The following DYRK2 variants were observed in gnomAD, a reference collection of about 807,000 sequenced individuals.
The protein encoded by DYRK2 is dual specificity tyrosine-phosphorylation-regulated kinase 2.
Under a neutral mutation model 41.6 loss-of-function variants are expected in DYRK2, and 12 were observed. That is an observed-to-expected ratio of 0.29 (90% CI 0.18 to 0.47). The LOEUF is 0.47. DYRK2 is among the 20% of genes least tolerant of loss of function. The probability of loss-of-function intolerance (pLI) is 1.00; values close to 1 mark genes in which losing one functional copy is unlikely to be tolerated. For synonymous variants in DYRK2, 322 were observed against 315.7 expected (o/e 1.02, Z -0.21); for missense variants, 678 against 798.4 (o/e 0.85, Z 1.82).
Position 67,649,031 on chromosome 12 carries a change from G to C in DYRK2, c.-103G>C. The C allele has an allele frequency of 1.9e-6, 2 of 1,032,264 alleles. No homozygotes were observed. The highest frequency in any genetic ancestry group is 4.4e-5 in the Admixed American group (1 of 22,724). The allele number at this position is 1,032,264 out of a possible 1,614,324, so 63.9% of individuals were successfully genotyped here. On this transcript the variant is annotated 5_prime_UTR_variant, in exon 1 of 3. Coordinates refer to ENST00000344096, the MANE Select transcript of DYRK2 (RefSeq NM_006482.3). The stretch of plus-strand genomic sequence containing the variant: ...GGCGGCGACGAGGCGCCGGGGACCC[G>C]CGCGAGGGGCGGCCGGGAGGCGGCG...
rs1872672180 is a variant in DYRK2, at chr12:67,663,369, T to TTGTG, written c.*4657_*4658insGTGT. On this transcript the variant is annotated 3_prime_UTR_variant, in exon 3 of 3. Coordinates refer to ENST00000344096, the MANE Select transcript of DYRK2 (RefSeq NM_006482.3). ...TGCAGGGATATTGTGTAGTCAGATA[T>TTGTG]TACCCTCTTGTGGAAAGAACTACCT... 6.6e-6 allele frequency: 1 copy of TTGTG among 152,164 alleles called. No individual in the cohort carries two copies. The highest frequency in any genetic ancestry group is 2.4e-5 in the African/African-American group (1 of 41,446). The allele number at this position is 152,164 out of a possible 1,614,324, so 9.4% of individuals were successfully genotyped here. A position where few individuals can be genotyped will look rare whatever the true frequency, so the allele number is the denominator to read the frequency against.
At chr12:67,656,132 C>G (rs1172006302) in intron 2 of DYRK2, among the ~76,000 whole-genome samples, 1 of 152,190 alleles carries the variant, frequency 6.6e-6, no homozygotes, top group Non-Finnish European at 1.5e-5. Context: ...GGCTGCCAGT[C>G]CTCTCCTACC....
Position 67,649,017 on chromosome 12 carries a change from G to A in DYRK2, c.-117G>A, listed in dbSNP as rs1592710103. The A allele has an allele frequency of 3.5e-6, 3 of 850,018 alleles. No individual in the cohort carries two copies. Among genetic ancestry groups the A allele is most frequent in the African/African-American group, 3.7e-5 (2 of 54,176 alleles). 52.7% of individuals were successfully genotyped at this position (850,018 alleles called of 1,614,324 possible). Reference sequence around the variant, plus strand: ...TGTAGCAGACGCGAGGCGGCGACGAGGCGCCGGGGACCCGCGCGAGGGGCG... The same window carrying A: ...TGTAGCAGACGCGAGGCGGCGACGAAGCGCCGGGGACCCGCGCGAGGGGCG... On this transcript the variant is annotated 5_prime_UTR_variant, in exon 1 of 3. Transcript: ENST00000344096.
In DYRK2 at chr12:67,657,756, T is replaced by C. The variant is rs748539374; in HGVS notation, c.849T>C (p.Asn283=). ...LRKQDKDNTM[N]VIHMLENFTF... is the part of the protein sequence containing the mutation. ...AGCAGGACAAGGATAACACAATGAA[T>C]GTCATCCATATGCTGGAGAATTTCA... Residue 283 remains asparagine (N), a synonymous_variant, in exon 3 of 3, where the codon AAT becomes AAC. Transcript: ENST00000344096. This position sits in a 1 kb window ranked among gnomAD's most constrained non-coding sequence, Gnocchi z 4.8. 22 of 1,614,098 alleles carry C rather than the reference T, an allele frequency of 1.4e-5. No individual in the cohort carries two copies. The highest frequency in any genetic ancestry group is 1.9e-5 in the Non-Finnish European group (22 of 1,180,052).
Position 67,657,995 on chromosome 12 carries a change from G to T in DYRK2, c.1088G>T (p.Gly363Val). Residue 363 changes from glycine (G) to valine (V), a missense_variant, in exon 3 of 3, where the codon GGT (glycine) becomes GTT (valine). Physicochemically the swap from Gly to Val is moderately radical, Grantham distance 109. This residue lies in a region of DYRK2 where 393 missense variants were observed against 519.1 expected (regional missense o/e 0.76). Coordinates refer to ENST00000344096, the MANE Select transcript of DYRK2 (RefSeq NM_006482.3). The surrounding 1 kb of genome is among the most constrained non-coding windows in gnomAD (Gnocchi z 4.8). The stretch of plus-strand genomic sequence containing the variant: ...TTGTTAAAGCAGCAGGGTAGAAGCG[G>T]TATTAAAGTAATTGATTTTGGCTCC... ...NILLKQQGRS[G>V]IKVIDFGSSC... 6.2e-7 allele frequency: 1 copy of T among 1,614,236 alleles called. No individual in the cohort carries two copies. The highest frequency in any genetic ancestry group is 1.6e-4 in the Middle Eastern group (1 of 6,062).
chr12:67,658,247 A>G lies in DYRK2; in HGVS notation c.1340A>G (p.Asp447Gly), dbSNP rs1460296462. Residue 447 changes from aspartate to glycine, a missense_variant, in exon 3 of 3, where the codon GAT becomes GGT. Physicochemically the swap from Asp to Gly is moderately conservative, Grantham distance 94. This residue lies in a region of DYRK2 where 393 missense variants were observed against 519.1 expected (regional missense o/e 0.76). Transcript: ENST00000344096. The surrounding 1 kb of genome is among the most constrained non-coding windows in gnomAD (Gnocchi z 4.3). ...GGCATGCCCTCACAGAAACTGCTGG[A>G]TGCATCCAAACGAGCCAAAAATTTT... ...LLGMPSQKLLDASKRAKNFVS... is the reference protein window; with the variant it reads ...LLGMPSQKLLGASKRAKNFVS... 2 of 1,614,182 alleles carry G rather than the reference A, an allele frequency of 1.2e-6. No homozygotes were observed. Among genetic ancestry groups the G allele is most frequent in the East Asian group, 4.5e-5 (2 of 44,866 alleles).
chr12:67,657,887 A>G lies in DYRK2; in HGVS notation c.980A>G (p.Lys327Arg), dbSNP rs749584629. The G allele has an allele frequency of 1.2e-6, 2 of 1,614,140 alleles. No individual in the cohort carries two copies. The highest frequency in any genetic ancestry group is 2.2e-5 in the South Asian group (2 of 91,086). ...GGCTTCAGTCTGCCTTTGGTTCGCA[A>G]GTTTGCCCACTCGATTCTGCAGTGC... The part of the protein sequence containing the change: ...FQGFSLPLVR[K>R]FAHSILQCLD... Residue 327 changes from lysine to arginine, a missense_variant, in exon 3 of 3, where the codon AAG (lysine) becomes AGG (arginine). Lys to Arg is a conservative substitution (Grantham distance 26). Transcript: ENST00000344096. The surrounding 1 kb of genome is among the most constrained non-coding windows in gnomAD (Gnocchi z 4.8).
In DYRK2 at chr12:67,658,930, G is replaced by A. The variant is rs1467124041; in HGVS notation, c.*217G>A. The A allele has an allele frequency of 2.0e-6, 1 of 488,480 alleles. No individual in the cohort carries two copies. Among genetic ancestry groups the A allele is most frequent in the Non-Finnish European group, 3.5e-6 (1 of 283,548 alleles). The allele number at this position is 488,480 out of a possible 1,614,324, so 30.3% of individuals were successfully genotyped here. ...GTTTTTATACTTTCAGAAACTTTTTGTGTTCTAAAAGTACAATGAGCCTTA... is the reference window on the plus strand; with the variant it reads ...GTTTTTATACTTTCAGAAACTTTTTATGTTCTAAAAGTACAATGAGCCTTA... On this transcript the variant is annotated 3_prime_UTR_variant, in exon 3 of 3. Coordinates refer to ENST00000344096, the MANE Select transcript of DYRK2 (RefSeq NM_006482.3). The surrounding 1 kb of genome is among the most constrained non-coding windows in gnomAD (Gnocchi z 4.3).
At chr12:67,656,655 G>C (rs1047639218) in intron 2 of DYRK2, among the ~76,000 whole-genome samples, 2 of 152,054 alleles carry the variant, frequency 1.3e-5, no homozygotes, top group African/African-American at 4.8e-5. Context: ...GGAAAGAGTA[G>C]TGAACAAGAC....
In DYRK2 at chr12:67,657,679, C is replaced by T. The variant is rs767125464; in HGVS notation, c.772C>T (p.Arg258Cys). Residue 258 changes from arginine (R) to cysteine (C), a missense_variant, in exon 3 of 3, where the codon CGC becomes TGC. Arg to Cys is a radical substitution (Grantham distance 180). Coordinates refer to ENST00000344096, the MANE Select transcript of DYRK2 (RefSeq NM_006482.3). This position sits in a 1 kb window ranked among gnomAD's most constrained non-coding sequence, Gnocchi z 4.8. ...CCTAAAGATGGTGCGGAATGAGAAG[C>T]GCTTCCACCGGCAAGCAGCGGAGGA... ...VALKMVRNEKRFHRQAAEEIR... is the reference protein window; with the variant it reads ...VALKMVRNEKCFHRQAAEEIR... The T allele has an allele frequency of 3.7e-6, 6 of 1,613,690 alleles. No homozygotes were observed. In the Admixed American group the frequency reaches 5.0e-5, roughly 13 times the overall value.
At position 67,658,883 on chromosome 12, in the gene DYRK2, A is replaced by G. The variant is rs569140581; in HGVS notation, c.*170A>G. On this transcript the variant is annotated 3_prime_UTR_variant, in exon 3 of 3. Coordinates refer to ENST00000344096, the MANE Select transcript of DYRK2 (RefSeq NM_006482.3). This position sits in a 1 kb window ranked among gnomAD's most constrained non-coding sequence, Gnocchi z 4.3. ...AAGTTGTTCATTTTGTTTTTATAAA[A>G]TACATGAGGACAATGCTTTAAGTTT... 5.4e-6 allele frequency: 4 copies of G among 740,230 alleles called. No individual in the cohort carries two copies. In the African/African-American group the frequency reaches 7.3e-5, roughly 14 times the overall value. 45.9% of individuals were successfully genotyped at this position (740,230 alleles called of 1,614,324 possible).
In DYRK2 at chr12:67,658,353, C is replaced by T. The variant is rs1565805057; in HGVS notation, c.1446C>T (p.Ser482=). 6.2e-7 allele frequency: 1 copy of T among 1,611,956 alleles called. No homozygotes were observed. The highest frequency in any genetic ancestry group is 8.5e-7 in the Non-Finnish European group (1 of 1,178,788). Residue 482 remains serine, a synonymous_variant, in exon 3 of 3, where the codon TCC becomes TCT. Coordinates refer to ENST00000344096, the MANE Select transcript of DYRK2 (RefSeq NM_006482.3). The surrounding 1 kb of genome is among the most constrained non-coding windows in gnomAD (Gnocchi z 4.3). The part of the protein sequence containing the change: ...DGSVVLNGGR[S]RRGKLRGPPE... ...CTGTGGTCCTAAACGGAGGCCGTTC[C>T]CGGAGGGGGAAACTGAGGGGCCCAC...
At chr12:67,649,211 C>A in intron 1 of DYRK2, 29 bp downstream of exon 1, 1 of 1,468,852 alleles carries the variant, frequency 6.8e-7, no homozygotes, top group Non-Finnish European at 9.1e-7. Flanking sequence ...CGCGCCGCAT[C>A]CCCGGACCCC....
chr12:67,662,696 C>G lies in DYRK2; in HGVS notation c.*3983C>G, dbSNP rs1301983483. 1 of 164,580 alleles carries G rather than the reference C, an allele frequency of 6.1e-6. No homozygotes were observed. The highest frequency in any genetic ancestry group is 1.5e-5 in the Non-Finnish European group (1 of 68,050). 10.2% of individuals were successfully genotyped at this position (164,580 alleles called of 1,614,324 possible). On this transcript the variant is annotated 3_prime_UTR_variant, in exon 3 of 3. Coordinates refer to ENST00000344096, the MANE Select transcript of DYRK2 (RefSeq NM_006482.3). ...TCCCCTTTCTAACTATAATTTAACT[C>G]CTGATCTATTTCTGGTATTATCCTT...
Position 67,658,885 on chromosome 12 carries a change from A to G in DYRK2, c.*172A>G. The G allele has an allele frequency of 1.4e-6, 1 of 721,162 alleles. No homozygotes were observed. The highest frequency in any genetic ancestry group is 2.1e-6 in the Non-Finnish European group (1 of 468,820). The allele number at this position is 721,162 out of a possible 1,614,324, so 44.7% of individuals were successfully genotyped here. On this transcript the variant is annotated 3_prime_UTR_variant, in exon 3 of 3. Transcript: ENST00000344096. The surrounding 1 kb of genome is among the most constrained non-coding windows in gnomAD (Gnocchi z 4.3). Reference sequence around the variant, plus strand: ...GTTGTTCATTTTGTTTTTATAAAATACATGAGGACAATGCTTTAAGTTTTT... The same window carrying G: ...GTTGTTCATTTTGTTTTTATAAAATGCATGAGGACAATGCTTTAAGTTTTT...
chr12:67,658,209 G>A lies in DYRK2; in HGVS notation c.1302G>A (p.Met434Ile), dbSNP rs1224337591. Reference sequence around the variant, plus strand: ...ATGAAGGGGACCAGCTGGCCTGTATGATTGAACTGTTGGGCATGCCCTCAC... The same window carrying A: ...ATGAAGGGGACCAGCTGGCCTGTATAATTGAACTGTTGGGCATGCCCTCAC... ...GEDEGDQLAC[M>I]IELLGMPSQK... The change falls in exon 3 of 3, where the codon ATG becomes ATA. Residue 434 changes from methionine to isoleucine, a missense_variant. By Grantham distance (10) the Met-to-Ile change is conservative (BLOSUM62 1). This residue lies in a region of DYRK2 where 393 missense variants were observed against 519.1 expected (regional missense o/e 0.76). Coordinates refer to ENST00000344096, the MANE Select transcript of DYRK2 (RefSeq NM_006482.3). The surrounding 1 kb of genome is among the most constrained non-coding windows in gnomAD (Gnocchi z 4.3). 6.2e-7 allele frequency: 1 copy of A among 1,614,198 alleles called. No homozygotes were observed. The highest frequency in any genetic ancestry group is 8.5e-7 in the Non-Finnish European group (1 of 1,180,038).
rs867420742 is a variant in DYRK2 at position 67,658,498 on chromosome 12, C to A, written c.1591C>A (p.Arg531=). The change falls in exon 3 of 3, where the codon CGG becomes AGG. Residue 531 remains arginine (R), a synonymous_variant. Coordinates refer to ENST00000344096, the MANE Select transcript of DYRK2 (RefSeq NM_006482.3). This position sits in a 1 kb window ranked among gnomAD's most constrained non-coding sequence, Gnocchi z 4.3. ...GCGCATGACCCCAGGCCAGGCTTTG[C>A]GGCACCCCTGGCTGAGGAGGCGGTT... ...AVRMTPGQAL[R]HPWLRRRLPK... The A allele has an allele frequency of 1.2e-6, 2 of 1,609,406 alleles. No individual in the cohort carries two copies. The highest frequency in any genetic ancestry group is 1.7e-6 in the Non-Finnish European group (2 of 1,177,762).
intron 2 of DYRK2, among the ~76,000 whole-genome samples, chr12:67,655,161 G>A (rs371056747): frequency 2.6e-5 from 4 of 152,270 alleles, no homozygotes; most frequent in African/African-American, 9.6e-5. Flanking sequence ...CTGAGGCTTG[G>A]TTTTACTTTG....
Position 67,658,721 on chromosome 12 carries a change from T to A in DYRK2, c.*8T>A. ...CCAAAACTTGTTAGCTGAGCTCACG[T>A]CCCCTGATGCTGGTAACCTGAAAGA... is the stretch of plus-strand genomic sequence containing the variant. On this transcript the variant is annotated 3_prime_UTR_variant, in exon 3 of 3. Coordinates refer to ENST00000344096, the MANE Select transcript of DYRK2 (RefSeq NM_006482.3). The surrounding 1 kb of genome is among the most constrained non-coding windows in gnomAD (Gnocchi z 4.3). 1 of 1,589,578 alleles carries A rather than the reference T, an allele frequency of 6.3e-7. No individual in the cohort carries two copies. Among genetic ancestry groups the A allele is most frequent in the Admixed American group, 1.7e-5 (1 of 57,576 alleles).
Sources: allele counts gnomAD v4.1 joint callset (sites outside exome capture counted in the v4.1 genomes callset), GRCh38; gene constraint gnomAD v4.1.1; regional missense constraint gnomAD v4.1.1; non-coding constraint Gnocchi (gnomAD v3.1); transcripts MANE v1.5; gene names NCBI Gene and HGNC (gene_info 2026-07-23, HGNC 2026-07-21).